The following WSCD1 variants were observed in gnomAD, a reference collection of about 807,000 sequenced individuals.
WSCD1 encodes the protein sialate:O-sulfotransferase 1.
In WSCD1, 41 loss-of-function variants were observed where a neutral mutation model predicts 60.4. The observed-to-expected ratio is 0.68, with a 90% CI of 0.53 to 0.88. The LOEUF is 0.88. Among genes scored for constraint, WSCD1 ranks in the 40% least tolerant of loss-of-function variants. WSCD1 has a pLI of 0.00. For missense variants in WSCD1, 784 were observed against 796.2 expected (o/e 0.98, Z 0.18); for synonymous variants, 361 against 332.5 (o/e 1.09, Z -0.93).
rs747558194 is a variant in WSCD1, at chr17:6,087,993, C to T, written c.431C>T (p.Thr144Ile). 1 of 1,613,240 alleles carries T rather than the reference C, an allele frequency of 6.2e-7. No individual in the cohort carries two copies. Among genetic ancestry groups the T allele is most frequent in the East Asian group, 2.2e-5 (1 of 44,868 alleles). ...AGCCATGCTTCCCTTTCTGCAGGCACCTACATTGGATGCTTCAGTGACGAT... is the reference window on the plus strand; with the variant it reads ...AGCCATGCTTCCCTTTCTGCAGGCATCTACATTGGATGCTTCAGTGACGAT... ...AARPAIHSRG[T>I]YIGCFSDDGH... is the part of the protein sequence containing the mutation. The change falls in exon 3 of 9, where the codon ACC (threonine) becomes ATC (isoleucine). Residue 144 changes from threonine to isoleucine, a missense_variant. By Grantham distance (89) the Thr-to-Ile change is moderately conservative. Transcript: ENST00000317744.
chr17:6,111,351 A>G, intron 7 of WSCD1, among the ~76,000 whole-genome samples: 1 of 152,236 alleles, frequency 6.6e-6, no homozygotes, highest in East Asian at 1.9e-4. Context: ...TAAAATTGGA[A>G]GAGGTGACTG....
intron 7 of WSCD1, among the ~76,000 whole-genome samples, chr17:6,116,027 G>A (rs752426604): frequency 2.0e-5 from 3 of 152,074 alleles, no homozygotes; most frequent in South Asian, 4.2e-4. Context: ...TTGGTTCTGG[G>A]GAAAAGCTAT....
chr17:6,076,552 T>C (rs1908875061), intron 1 of WSCD1, among the ~76,000 whole-genome samples: 1 of 152,164 alleles, frequency 6.6e-6, no homozygotes, highest in African/African-American at 2.4e-5. Context: ...CATGCCACAG[T>C]CTGTAGGGAA....
At chr17:6,095,063 A>G in intron 4 of WSCD1, 39 bp from the exon 5 acceptor site, 1 of 1,587,260 alleles carries the variant, frequency 6.3e-7, no homozygotes, top group Non-Finnish European at 8.6e-7. Flanking sequence ...CAACAACTGG[A>G]CACCATCTCT....
At chr17:6,070,256 C>G (rs1189939671), upstream of WSCD1, among the ~76,000 whole-genome samples, 1 of 142,020 alleles carries the variant, frequency 7.0e-6, no homozygotes, top group Non-Finnish European at 1.6e-5. Flanking sequence ...CGGGCCGGGG[C>G]AGGGCGTGGG....
intron 1 of WSCD1, among the ~76,000 whole-genome samples, chr17:6,076,432 G>A (rs1452347309): frequency 1.3e-5 from 2 of 152,170 alleles, no homozygotes; most frequent in African/African-American, 4.8e-5. Flanking sequence ...GACTGTGGGG[G>A]CTCAGAGCTG....
rs1465485892 is a variant in WSCD1 at position 6,088,142 on chromosome 17, A to G, written c.542+38A>G. ...GCCCTGGACTGTTGATTCTAGAGGC[A>G]GGAAGGTCCAGGGACAGTTCCAGAA... On this transcript the variant is annotated intron_variant, in intron 3 of 8. Transcript: ENST00000317744. 5 of 1,567,432 alleles carry G rather than the reference A, an allele frequency of 3.2e-6. No homozygotes were observed. In the African/African-American group the frequency reaches 5.4e-5, roughly 17 times the overall value.
upstream of WSCD1, chr17:6,069,386 G>GGTGA: frequency 2.7e-6 from 1 of 374,742 alleles, no homozygotes; most frequent in African/African-American, 2.5e-5. Flanking sequence ...TTTCCACCTC[G>GGTGA]GTGCGTGTGT....
chr17:6,119,529 C>T (rs1393318716), intron 8 of WSCD1, among the ~76,000 whole-genome samples: 1 of 152,238 alleles, frequency 6.6e-6, no homozygotes, highest in African/African-American at 2.4e-5. Flanking sequence ...GTGCTCCTGT[C>T]CACTTGTTAC....
intron 5 of WSCD1, among the ~76,000 whole-genome samples, chr17:6,103,090 T>G (rs1910895223): frequency 1.3e-5 from 2 of 152,174 alleles, no homozygotes; most frequent in South Asian, 4.1e-4. Flanking sequence ...CTCCACCACT[T>G]TCTCATTTTG....
At position 6,103,695 on chromosome 17, in the gene WSCD1, G is replaced by A. The variant is rs548941742; in HGVS notation, c.850-5912G>A. Reference sequence around the variant, plus strand: ...GTTTAGAGTGTGTGCTACAGCGCACGGAGAAGGGGACTGGTGAGTGTACTC... The same window carrying A: ...GTTTAGAGTGTGTGCTACAGCGCACAGAGAAGGGGACTGGTGAGTGTACTC... On this transcript the variant is annotated intron_variant, in intron 5 of 8. Transcript: ENST00000317744. Among the ~76,000 whole-genome samples the A allele has an allele frequency of 1.0e-3, 156 of 152,312 alleles. 1 individual carries two copies. The highest frequency in any genetic ancestry group is 1.7e-3 in the Non-Finnish European group (118 of 68,022).
intron 4 of WSCD1, among the ~76,000 whole-genome samples, chr17:6,091,178 G>A (rs1910016014): frequency 6.6e-6 from 1 of 152,224 alleles, no homozygotes; most frequent in South Asian, 2.1e-4. Context: ...ACAGGCGTGA[G>A]CCACGCACCC....
rs779041168 is a variant in WSCD1 at position 6,117,973 on chromosome 17, C to T, written c.1175-15C>T. ...ACACCATCTTCCACAGAGACCCTCT[C>T]ATTTTTCCCTGCAGGGTTCAAGGGC... On this transcript the variant is annotated splice_polypyrimidine_tract_variant and intron_variant, in intron 7 of 8. Transcript: ENST00000317744. The T allele has an allele frequency of 3.7e-6, 6 of 1,612,688 alleles. No individual in the cohort carries two copies. In the African/African-American group the frequency reaches 6.7e-5, roughly 18 times the overall value.
chr17:6,120,925 A>G lies in WSCD1; in HGVS notation c.*264A>G. On this transcript the variant is annotated 3_prime_UTR_variant, in exon 9 of 9. Transcript: ENST00000317744. ...ACTCCAGGCTCATAGCCCCGTCTTGATGCAGAGAAGCCACCCACGTGGGGT... is the reference window on the plus strand; with the variant it reads ...ACTCCAGGCTCATAGCCCCGTCTTGGTGCAGAGAAGCCACCCACGTGGGGT... 1 of 508,462 alleles carries G rather than the reference A, an allele frequency of 2.0e-6. No homozygotes were observed. Among genetic ancestry groups the G allele is most frequent in the Non-Finnish European group, 3.5e-6 (1 of 284,730 alleles). 31.5% of individuals were successfully genotyped at this position (508,462 alleles called of 1,614,324 possible). A position where few individuals can be genotyped will look rare whatever the true frequency, so the allele number is the denominator to read the frequency against.
Position 6,103,859 on chromosome 17 carries a change from A to G in WSCD1, c.850-5748A>G, listed in dbSNP as rs146504433. The stretch of plus-strand genomic sequence containing the variant: ...TGAAAGGCACTTCAAGAGTATTTCA[A>G]TCCCCAGATCCACCATATGGATGGA... On this transcript the variant is annotated intron_variant, in intron 5 of 8. Transcript: ENST00000317744. 3.7e-3 allele frequency among the ~76,000 whole-genome samples: 562 copies of G among 152,248 alleles called. 2 individuals carry two copies. The highest frequency in any genetic ancestry group is 0.013 in the African/African-American group (539 of 41,514).
chr17:6,091,346 A>T (rs561793323), intron 4 of WSCD1, among the ~76,000 whole-genome samples: 1 of 152,292 alleles, frequency 6.6e-6, no homozygotes, highest in Admixed American at 6.5e-5. Flanking sequence ...TGGATCCAAA[A>T]ATGAAGAAAG....
At chr17:6,093,266 GT>G (rs1910175332) in intron 4 of WSCD1, among the ~76,000 whole-genome samples, 1 of 152,234 alleles carries the variant, frequency 6.6e-6, no homozygotes, top group Non-Finnish European at 1.5e-5. Context: ...CCACTCACCT[GT>G]TGCAGTATAT....
intron 5 of WSCD1, among the ~76,000 whole-genome samples, chr17:6,099,168 GA>G (rs948320279): frequency 1.3e-5 from 2 of 152,064 alleles, no homozygotes; most frequent in Non-Finnish European, 2.9e-5. Flanking sequence ...GTTCTGGGTG[GA>G]AATTTTCCTG....
At chr17:6,076,242 C>T (rs1567548269) in intron 1 of WSCD1, among the ~76,000 whole-genome samples, 1 of 152,144 alleles carries the variant, frequency 6.6e-6, no homozygotes, top group Non-Finnish European at 1.5e-5. Flanking sequence ...GTATGCGGGG[C>T]ATTTGCTTGG....
Sources: allele counts gnomAD v4.1 joint callset (sites outside exome capture counted in the v4.1 genomes callset), GRCh38; gene constraint gnomAD v4.1.1; transcripts MANE v1.5; gene names NCBI Gene and HGNC (gene_info 2026-07-23, HGNC 2026-07-21).